ZRANB3: variants seen among roughly 807,000 people sequenced by gnomAD.
ZRANB3 encodes the protein DNA annealing helicase and endonuclease ZRANB3.
In ZRANB3, 125 loss-of-function variants were observed where a neutral mutation model predicts 133.8. The observed-to-expected ratio is 0.93, with a 90% CI of 0.81 to 1.08. The LOEUF (loss-of-function observed/expected upper bound fraction) is 1.08, where lower values mean the gene tolerates loss of function less well. Among genes scored for constraint, ZRANB3 ranks in the 50% least tolerant of loss-of-function variants. ZRANB3 has a pLI of 0.00. For synonymous variants in ZRANB3, 387 were observed against 432.7 expected (o/e 0.89, Z 1.31); for missense variants, 1,229 against 1,275.5 (o/e 0.96, Z 0.56).
intron 4 of ZRANB3, 37 bp from the exon 5 acceptor site, chr2:135,350,252 A>T: frequency 1.4e-6 from 2 of 1,450,060 alleles, no homozygotes; most frequent in Non-Finnish European, 1.9e-6. Context: ...AAAATATCTC[A>T]GTAATGACGT....
At chr2:135,384,683 T>A (rs546443097) in intron 3 of ZRANB3, among the ~76,000 whole-genome samples, 1 of 151,554 alleles carries the variant, frequency 6.6e-6, no homozygotes, top group East Asian at 1.9e-4. Context: ...GCAAGGCTGG[T>A]TCAACATATG....
chr2:135,502,634 T>C (rs1693001059), intron 2 of ZRANB3, among the ~76,000 whole-genome samples: 1 of 152,278 alleles, frequency 6.6e-6, no homozygotes, highest in South Asian at 2.1e-4. Flanking sequence ...TACTCCGCCA[T>C]AGTGAGAAGC....
At chr2:135,465,208 A>G (rs1278186383) in intron 2 of ZRANB3, among the ~76,000 whole-genome samples, 1 of 152,182 alleles carries the variant, frequency 6.6e-6, no homozygotes, top group Non-Finnish European at 1.5e-5. Flanking sequence ...CCAAGGTAAA[A>G]TATCAAAGAT....
At chr2:135,442,405 C>A (rs1169343048) in intron 2 of ZRANB3, among the ~76,000 whole-genome samples, 1 of 152,214 alleles carries the variant, frequency 6.6e-6, no homozygotes, top group African/African-American at 2.4e-5. Flanking sequence ...AGACACTTCT[C>A]AAAAGAAGAC....
intron 2 of ZRANB3, among the ~76,000 whole-genome samples, chr2:135,426,437 T>A (rs1689070909): frequency 6.6e-6 from 1 of 151,790 alleles, no homozygotes; most frequent in Non-Finnish European, 1.5e-5. Flanking sequence ...GATGCAAAAA[T>A]CCTTGACAAA....
At chr2:135,365,802 G>A (rs569551695) in intron 3 of ZRANB3, among the ~76,000 whole-genome samples, 3 of 152,270 alleles carry the variant, frequency 2.0e-5, no homozygotes, top group African/African-American at 7.2e-5. Context: ...ACAGCGTGAT[G>A]CTTTATATCC....
chr2:135,234,993 T>TGG (rs1695219987), intron 12 of ZRANB3, among the ~76,000 whole-genome samples: 2 of 152,124 alleles, frequency 1.3e-5, no homozygotes, highest in African/African-American at 4.8e-5. Context: ...ATTCAATGAA[T>TGG]CCAGGAGCTG....
rs969209849 is a variant in ZRANB3 at position 135,198,851 on chromosome 2, T to C, written c.*1491A>G. 2 of 152,230 alleles carry C rather than the reference T, an allele frequency of 1.3e-5. No individual in the cohort carries two copies. The highest frequency in any genetic ancestry group is 2.4e-5 in the African/African-American group (1 of 41,464). 9.4% of individuals were successfully genotyped at this position (152,230 alleles called of 1,614,324 possible). On this transcript the variant is annotated 3_prime_UTR_variant, in exon 21 of 21. Coordinates refer to ENST00000264159, the MANE Select transcript of ZRANB3 (RefSeq NM_032143.4). ...CTGAGGAACAACTGTGGTTGTATAA[T>C]CTTTGATTGTATAATCTTTCTAAAA...
At chr2:135,530,557 C>T (rs1694500706) in intron 1 of ZRANB3, 1 of 152,272 alleles carries the variant, frequency 6.6e-6, no homozygotes, top group Non-Finnish European at 1.5e-5. Flanking sequence ...CTCCAACTCC[C>T]GCCACAGGTT....
At position 135,472,690 on chromosome 2, in the gene ZRANB3, G is replaced by A. The variant is rs77845538; in HGVS notation, c.161+31639C>T. Reference sequence around the variant, plus strand: ...CTGCAATATTCTCATGGAAGGCAGAGTGGTGGAACAGAAAGAGTAAAGCAA... The same window carrying A: ...CTGCAATATTCTCATGGAAGGCAGAATGGTGGAACAGAAAGAGTAAAGCAA... On this transcript the variant is annotated intron_variant, in intron 2 of 20. Coordinates refer to ENST00000264159, the MANE Select transcript of ZRANB3 (RefSeq NM_032143.4). Among the ~76,000 whole-genome samples the A allele has an allele frequency of 4.6e-4, 70 of 152,234 alleles. 1 individual carries two copies. In the East Asian group the frequency reaches 0.012, roughly 27 times the overall value.
chr2:135,519,011 G>C (rs1307508260), intron 1 of ZRANB3, among the ~76,000 whole-genome samples: 3 of 152,140 alleles, frequency 2.0e-5, no homozygotes, highest in African/African-American at 7.2e-5. Flanking sequence ...ATTTATCAGG[G>C]AGAGCCCATT....
rs35114507 is a variant in ZRANB3 at position 135,316,983 on chromosome 2, A to AAAAAAT, written c.678-1454_678-1453insATTTTT. Among the ~76,000 whole-genome samples the AAAAAAT allele has an allele frequency of 8.4e-4, 110 of 131,454 alleles. 3 individuals carry two copies. The highest frequency in any genetic ancestry group is 6.4e-3 in the South Asian group (27 of 4,242). The allele number at this position is 131,454 out of a possible 152,430, so 86.2% of individuals were successfully genotyped here. A position where few individuals can be genotyped will look rare whatever the true frequency, so the allele number is the denominator to read the frequency against. On this transcript the variant is annotated intron_variant, in intron 6 of 20. Transcript: ENST00000264159. ...CCGTCTCGAGAAAAAAAAAAAAAAA[A>AAAAAAT]ATATATATATATATATATACTTGCA...
intron 8 of ZRANB3, among the ~76,000 whole-genome samples, chr2:135,291,867 T>C (rs1004512425): frequency 2.0e-5 from 3 of 152,038 alleles, no homozygotes; most frequent in African/African-American, 4.8e-5. Flanking sequence ...CTCCTTGCGA[T>C]AGTTTGCTGA....
At chr2:135,478,178 T>C (rs560275038) in intron 2 of ZRANB3, among the ~76,000 whole-genome samples, 26 of 152,136 alleles carry the variant, frequency 1.7e-4, no homozygotes, top group Admixed American at 1.6e-3. Flanking sequence ...CATACACACG[T>C]CTATAAATAT....
chr2:135,276,547 G>C (rs1246340077), intron 8 of ZRANB3, among the ~76,000 whole-genome samples: 1 of 152,088 alleles, frequency 6.6e-6, no homozygotes, highest in Non-Finnish European at 1.5e-5. Context: ...GAATTAAAGA[G>C]GATAGCATGA....
At chr2:135,324,020 C>T (rs1374970221) in intron 6 of ZRANB3, among the ~76,000 whole-genome samples, 5 of 152,076 alleles carry the variant, frequency 3.3e-5, no homozygotes, top group Non-Finnish European at 7.4e-5. Flanking sequence ...CCGCCCACCT[C>T]GGCCTCCCAA....
intron 6 of ZRANB3, among the ~76,000 whole-genome samples, chr2:135,315,828 T>A (rs1683222377): frequency 6.6e-6 from 1 of 152,100 alleles, no homozygotes; most frequent in Non-Finnish European, 1.5e-5. Flanking sequence ...TAAATGGGGG[T>A]GTTATTGGCA....
intron 1 of ZRANB3, among the ~76,000 whole-genome samples, chr2:135,514,270 T>C (rs947126352): frequency 6.6e-6 from 1 of 152,230 alleles, no homozygotes; most frequent in African/African-American, 2.4e-5. Context: ...TTCCTATCCA[T>C]GAGCATGGAA....
intron 4 of ZRANB3, 169 bp downstream of exon 4, chr2:135,353,281 G>A: frequency 2.5e-6 from 1 of 404,380 alleles, no homozygotes; most frequent in Non-Finnish European, 4.3e-6. Flanking sequence ...TATACTATTG[G>A]GTTTTAGATA....
Sources: allele counts gnomAD v4.1 joint callset (sites outside exome capture counted in the v4.1 genomes callset), GRCh38; gene constraint gnomAD v4.1.1; transcripts MANE v1.5; gene names NCBI Gene and HGNC (gene_info 2026-07-23, HGNC 2026-07-21).